CHL1: variants seen among roughly 807,000 people sequenced by gnomAD.
CHL1 encodes the protein neural cell adhesion molecule L1-like protein.
Under a neutral mutation model 141.9 loss-of-function variants are expected in CHL1, and 96 were observed. That is an observed-to-expected ratio of 0.68 (90% CI 0.57 to 0.80). The LOEUF is 0.80. Among genes scored for constraint, CHL1 ranks in the 30% least tolerant of loss-of-function variants. The pLI, the probability that CHL1 is intolerant of heterozygous loss-of-function variation, is 0.00. For missense variants in CHL1, 1,820 were observed against 1,457.2 expected (o/e 1.25, Z -4.05); for synonymous variants, 613 against 502.2 (o/e 1.22, Z -2.95).
At chr3:352,966 G>A (rs1703390970) in intron 10 of CHL1, among the ~76,000 whole-genome samples, 1 of 152,158 alleles carries the variant, frequency 6.6e-6, no homozygotes, top group Admixed American at 6.6e-5. Flanking sequence ...CTCATCCATA[G>A]TTGCTGTGTA....
intron 23 of CHL1, among the ~76,000 whole-genome samples, chr3:394,322 A>G (rs780680529): frequency 2.4e-4 from 37 of 152,178 alleles, no homozygotes; most frequent in South Asian, 6.2e-4. Flanking sequence ...AGATACAATG[A>G]AAATATAGCA....
chr3:309,880 T>C (rs1335903347), intron 2 of CHL1, among the ~76,000 whole-genome samples: 1 of 152,184 alleles, frequency 6.6e-6, no homozygotes, highest in Non-Finnish European at 1.5e-5. Context: ...ACATTATATA[T>C]ATTATCCTTT....
intron 11 of CHL1, 85 bp downstream of exon 11, chr3:354,856 T>C: frequency 3.3e-6 from 5 of 1,533,378 alleles, no homozygotes; most frequent in Admixed American, 1.9e-5. Flanking sequence ...TAAAATGAAG[T>C]TGGTATGTGG....
intron 2 of CHL1, among the ~76,000 whole-genome samples, chr3:273,625 A>G (rs1695833432): frequency 6.6e-6 from 1 of 152,158 alleles, no homozygotes; most frequent in Admixed American, 6.5e-5. Flanking sequence ...CCAAATGTAA[A>G]TGTCACGAAA....
intron 2 of CHL1, among the ~76,000 whole-genome samples, chr3:307,873 C>G (rs1699385167): frequency 6.6e-6 from 1 of 152,152 alleles, no homozygotes; most frequent in South Asian, 2.1e-4. Flanking sequence ...TCAGTAGCCT[C>G]TACATTACCA....
At chr3:304,249 G>A (rs544146692) in intron 2 of CHL1, among the ~76,000 whole-genome samples, 1 of 152,182 alleles carries the variant, frequency 6.6e-6, no homozygotes, top group Admixed American at 6.5e-5. Flanking sequence ...GATGATGCTG[G>A]CCTCATAAAA....
At chr3:393,233 A>AAAAAAAAC (rs1491568872) in intron 23 of CHL1, among the ~76,000 whole-genome samples, 1 of 11,506 alleles carries the variant, frequency 8.7e-5, no homozygotes, top group African/African-American at 1.5e-4. Flanking sequence ...ACTCCGTCTC[A>AAAAAAAAC]AAAAAAAAAA....
chr3:328,673 C>G (rs1701199484), intron 5 of CHL1, among the ~76,000 whole-genome samples: 2 of 152,048 alleles, frequency 1.3e-5, no homozygotes, highest in South Asian at 2.1e-4. Flanking sequence ...ATAGATAACC[C>G]CAAAACCTCT....
intron 2 of CHL1, among the ~76,000 whole-genome samples, chr3:259,687 A>G (rs1300586901): frequency 6.6e-6 from 1 of 152,074 alleles, no homozygotes; most frequent in Non-Finnish European, 1.5e-5. Context: ...TATGTATTAC[A>G]AGGCTTCATG....
chr3:280,199 G>C (rs1169038542), intron 2 of CHL1, among the ~76,000 whole-genome samples: 1 of 151,386 alleles, frequency 6.6e-6, no homozygotes, highest in African/African-American at 2.4e-5. Context: ...AAAGTTCTTA[G>C]TAGAGTCTAG....
intron 1 of CHL1, among the ~76,000 whole-genome samples, chr3:225,691 T>C (rs1701257311): frequency 1.3e-5 from 2 of 152,054 alleles, no homozygotes. Context: ...CTTCTAGATA[T>C]GTAAAATCAA....
intron 14 of CHL1, chr3:363,680 T>C (rs535849022): frequency 5.0e-6 from 1 of 200,928 alleles, no homozygotes; most frequent in South Asian, 1.6e-4. Context: ...TTTCTGTAAC[T>C]ATATTTTATT....
chr3:399,475 A>G (rs985960877), intron 26 of CHL1, among the ~76,000 whole-genome samples: 1 of 152,050 alleles, frequency 6.6e-6, no homozygotes, highest in Non-Finnish European at 1.5e-5. Context: ...CCCCGTCTCT[A>G]CTAAAAATAC....
chr3:277,554 T>C (rs1696256922), intron 2 of CHL1, among the ~76,000 whole-genome samples: 1 of 152,222 alleles, frequency 6.6e-6, no homozygotes. Context: ...AATGACCAAT[T>C]GCTTCCGTTT....
At chr3:287,772 GTT>G (rs763394695) in intron 2 of CHL1, among the ~76,000 whole-genome samples, 6 of 145,888 alleles carry the variant, frequency 4.1e-5, no homozygotes, top group African/African-American at 1.5e-4. Context: ...GTCTTTTTTT[GTT>G]TTTTTTTTTG....
intron 2 of CHL1, among the ~76,000 whole-genome samples, chr3:301,911 C>G (rs900602061): frequency 2.6e-5 from 4 of 152,176 alleles, no homozygotes; most frequent in African/African-American, 7.2e-5. Context: ...CACCGCACCG[C>G]CAACAGGCCC....
intron 2 of CHL1, among the ~76,000 whole-genome samples, chr3:276,673 A>G (rs1696140439): frequency 1.3e-5 from 2 of 151,856 alleles, no homozygotes; most frequent in South Asian, 4.2e-4. Context: ...GCGGATCACG[A>G]GGTCAGGAGA....
rs563467257 is a variant in CHL1, at chr3:391,642, A to C, written c.2792-33A>C. On this transcript the variant is annotated intron_variant, in intron 22 of 27. Coordinates refer to ENST00000256509, the MANE Select transcript of CHL1 (RefSeq NM_006614.4). ...AGGCTTTTTTGAATTTTTCTAATTG[A>C]TGTGAGTTTATTTTTGGTCTTGTGT... is the stretch of plus-strand genomic sequence containing the variant. 3.1e-5 allele frequency: 48 copies of C among 1,524,918 alleles called. No individual in the cohort carries two copies. The South Asian group carries it at 4.7e-4, about 15-fold the overall frequency. The allele number at this position is 1,524,918 out of a possible 1,614,324, so 94.5% of individuals were successfully genotyped here.
intron 2 of CHL1, among the ~76,000 whole-genome samples, chr3:252,524 A>C (rs368429677): frequency 6.6e-6 from 1 of 151,376 alleles, no homozygotes; most frequent in Admixed American, 6.6e-5. Flanking sequence ...TAGGTATACC[A>C]GGTGCTATTG....
Sources: allele counts gnomAD v4.1 joint callset (sites outside exome capture counted in the v4.1 genomes callset), GRCh38; gene constraint gnomAD v4.1.1; transcripts MANE v1.5; gene names NCBI Gene and HGNC (gene_info 2026-07-23, HGNC 2026-07-21).